The following ROPN1L variants were observed in gnomAD, a reference collection of about 807,000 sequenced individuals.
ROPN1L encodes ropporin-1-like protein.
ROPN1L carries 23 observed loss-of-function variants against 22.7 expected under a neutral mutation model. The observed-to-expected ratio is 1.01, with a 90% CI of 0.73 to 1.43. The LOEUF (loss-of-function observed/expected upper bound fraction) is 1.43. Among genes scored for constraint, ROPN1L ranks in the 40% most tolerant of loss-of-function variants. ROPN1L has a pLI of 0.00. For synonymous variants in ROPN1L, 116 were observed against 117.8 expected (o/e 0.98, Z 0.10); for missense variants, 271 against 291.5 (o/e 0.93, Z 0.51).
At chr5:10,474,744 G>T (rs1468031655), downstream of ROPN1L, among the ~76,000 whole-genome samples, 4 of 152,238 alleles carry the variant, frequency 2.6e-5, no homozygotes, top group African/African-American at 9.6e-5. Context: ...ACGATACTTT[G>T]TTATAGAACA....
chr5:10,453,512 T>G (rs985453278), intron 3 of ROPN1L, among the ~76,000 whole-genome samples: 8 of 152,106 alleles, frequency 5.3e-5, no homozygotes, highest in African/African-American at 1.7e-4. Context: ...AAAAAATACC[T>G]TCAAAAAGGA....
At chr5:10,473,555 A>G (rs1735279666), downstream of ROPN1L, among the ~76,000 whole-genome samples, 1 of 152,212 alleles carries the variant, frequency 6.6e-6, no homozygotes, top group East Asian at 1.9e-4. Flanking sequence ...CTGTGAGACA[A>G]GAAATTGTTG....
chr5:10,448,368 A>G lies in ROPN1L; in HGVS notation c.240A>G (p.Lys80=). 6.2e-7 allele frequency: 1 copy of G among 1,614,170 alleles called. No individual in the cohort carries two copies. Among genetic ancestry groups the G allele is most frequent in the South Asian group, 1.1e-5 (1 of 91,090 alleles). ...CAGGCCTGACTCAAGGACTCCTGAAAGTTTTGCACAAGCAGGTATGGGGGG... is the reference window on the plus strand; with the variant it reads ...CAGGCCTGACTCAAGGACTCCTGAAGGTTTTGCACAAGCAGGTATGGGGGG... ...TDTGLTQGLL[K]VLHKQCHHKR... Residue 80 remains lysine (K), a synonymous_variant, in exon 2 of 5, where the codon AAA becomes AAG. Transcript: ENST00000274134.
intron 1 of ROPN1L, among the ~76,000 whole-genome samples, chr5:10,443,917 A>T (rs1330929023): frequency 1.3e-5 from 2 of 152,168 alleles, no homozygotes; most frequent in African/African-American, 4.8e-5. Context: ...CAGATAGTCC[A>T]GGGCAGTTTT....
chr5:10,465,169 A>T, downstream of ROPN1L: 1 of 338,494 alleles, frequency 3.0e-6, no homozygotes. Flanking sequence ...TCTTTTAAGA[A>T]AATAATCTAT....
chr5:10,472,005 A>G (rs1274287813), exon 5 of ROPN1L: 1 of 152,268 alleles, frequency 6.6e-6, no homozygotes, highest in Admixed American at 6.5e-5. Context: ...CCATTCGACC[A>G]TTTGGGTGAA....
At chr5:10,473,705 G>A (rs1455926566), downstream of ROPN1L, among the ~76,000 whole-genome samples, 1 of 152,158 alleles carries the variant, frequency 6.6e-6, no homozygotes, top group Non-Finnish European at 1.5e-5. Context: ...ACCTGGGTTT[G>A]GTTTTCTTTT....
chr5:10,448,205 G>A (rs181542200), intron 1 of ROPN1L, 55 bp from the exon 2 acceptor site: 12 of 1,602,638 alleles, frequency 7.5e-6, no homozygotes, highest in African/African-American at 4.0e-5. Context: ...AAATTGGATC[G>A]CATAGCTGTT....
chr5:10,467,329 G>T (rs1447953236), downstream of ROPN1L, among the ~76,000 whole-genome samples: 3 of 151,336 alleles, frequency 2.0e-5, no homozygotes, highest in Admixed American at 6.6e-5. Flanking sequence ...GCCTTGTCTA[G>T]TTGACACAAA....
chr5:10,453,628 G>C (rs183768244), intron 3 of ROPN1L, among the ~76,000 whole-genome samples: 1 of 152,214 alleles, frequency 6.6e-6, no homozygotes, highest in Non-Finnish European at 1.5e-5. Flanking sequence ...CTGCGTGAGC[G>C]GGATAGATGT....
chr5:10,456,403 G>A (rs1053066360), intron 3 of ROPN1L, among the ~76,000 whole-genome samples: 4 of 152,170 alleles, frequency 2.6e-5, no homozygotes, highest in East Asian at 1.9e-4. Context: ...CAGGAGAATC[G>A]CTTGAACCCA....
intron 3 of ROPN1L, among the ~76,000 whole-genome samples, chr5:10,459,394 T>TGCCTTCCACCCTCATCACTGGGTTCCTGC (rs1734963357): frequency 6.8e-6 from 1 of 146,770 alleles, no homozygotes; most frequent in African/African-American, 2.7e-5. Context: ...TCATCACTTC[T>TGCCTTCCACCCTCATCACTGGGTTCCTGC]CTTCACACAT....
chr5:10,457,023 G>T (rs563713176), intron 3 of ROPN1L, among the ~76,000 whole-genome samples: 16 of 152,332 alleles, frequency 1.1e-4, no homozygotes, highest in Middle Eastern at 6.8e-3. Flanking sequence ...ACATGTCTTT[G>T]AGAGTTTCAA....
chr5:10,449,134 GA>G (rs1216298948), intron 2 of ROPN1L, among the ~76,000 whole-genome samples: 1 of 152,242 alleles, frequency 6.6e-6, no homozygotes, highest in African/African-American at 2.4e-5. Context: ...TGTAGCTTGC[GA>G]AAAGACATGC....
chr5:10,456,956 C>T (rs1401077075), intron 3 of ROPN1L, among the ~76,000 whole-genome samples: 4 of 152,194 alleles, frequency 2.6e-5, no homozygotes, highest in African/African-American at 9.7e-5. Context: ...CAGTCCTGCA[C>T]ACGGTGGTGA....
At chr5:10,466,932 G>A (rs1735165178), downstream of ROPN1L, among the ~76,000 whole-genome samples, 1 of 152,082 alleles carries the variant, frequency 6.6e-6, no homozygotes, top group Non-Finnish European at 1.5e-5. Flanking sequence ...CTCCTCCTGG[G>A]TCCTCACATG....
At chr5:10,443,628 C>CAA (rs367600820) in intron 1 of ROPN1L, among the ~76,000 whole-genome samples, 6,610 of 115,364 alleles carry the variant, frequency 0.057, 511 homozygotes, top group African/African-American at 0.19. Context: ...GACTCCGTCT[C>CAA]AAAAAAAAAA....
intron 1 of ROPN1L, among the ~76,000 whole-genome samples, chr5:10,443,461 A>G (rs951749975): frequency 4.0e-5 from 6 of 151,580 alleles, no homozygotes; most frequent in African/African-American, 1.5e-4. Flanking sequence ...TCTCTACTAA[A>G]AATACAAAAA....
At position 10,442,030 on chromosome 5, in the gene ROPN1L, A is replaced by G; in HGVS notation, c.-138A>G. ...TAAGAGCCCCGCGAATCCGGCCCCA[A>G]CCTCGGGAACGGGATGGGAGGCGGC... On this transcript the variant is annotated 5_prime_UTR_variant, in exon 1 of 5. Transcript: ENST00000274134. The G allele has an allele frequency of 2.4e-6, 3 of 1,252,526 alleles. No individual in the cohort carries two copies. Among genetic ancestry groups the G allele is most frequent in the Non-Finnish European group, 3.3e-6 (3 of 903,934 alleles). 77.6% of individuals were successfully genotyped at this position (1,252,526 alleles called of 1,614,324 possible).
Sources: gnomAD v4.1 joint callset for allele counts (sites outside exome capture counted in the v4.1 genomes callset) on GRCh38, gnomAD v4.1.1 for gene constraint, MANE v1.5 for transcripts, NCBI Gene and HGNC (gene_info 2026-07-23, HGNC 2026-07-21) for gene names.